Variants in CSF1R observed in about 807,000 individuals in gnomAD.
The protein encoded by CSF1R is colony stimulating factor 1 receptor, also known as macrophage colony-stimulating factor 1 receptor.
In CSF1R, 40 loss-of-function variants were observed where a neutral mutation model predicts 110.0. That is an observed-to-expected ratio of 0.36 (90% CI 0.28 to 0.47). CSF1R has a LOEUF of 0.47. CSF1R is among the 20% of genes least tolerant of loss of function. The pLI, the probability that CSF1R is intolerant of heterozygous loss-of-function variation, is 0.99. For missense variants in CSF1R, 1,052 were observed against 1,253.0 expected (o/e 0.84, Z 2.42); for synonymous variants, 523 against 503.4 (o/e 1.04, Z -0.52).
At chr5:150,056,812 C>T (rs1477650924) in intron 16 of CSF1R, among the ~76,000 whole-genome samples, 2 of 152,254 alleles carry the variant, frequency 1.3e-5, no homozygotes, top group South Asian at 2.1e-4. Flanking sequence ...CTTAAAGTCA[C>T]GGAGCAGGTG....
chr5:150,077,962 C>T (rs41504246), intron 4 of CSF1R, 150 bp downstream of exon 4: 7 of 796,924 alleles, frequency 8.8e-6, no homozygotes, highest in Non-Finnish European at 1.1e-5. Context: ...GGAGTGAGAT[C>T]TCGGGTGAGT....
chr5:150,060,348 G>GA (rs71992938), intron 13 of CSF1R, among the ~76,000 whole-genome samples: 17,899 of 143,740 alleles, frequency 0.12, 1,307 homozygotes, highest in Admixed American at 0.27. Flanking sequence ...AACAAAAAAT[G>GA]AAAAAAAAAA....
chr5:150,091,487 CTG>C (rs1054984045), upstream of CSF1R, among the ~76,000 whole-genome samples: 5 of 152,146 alleles, frequency 3.3e-5, no homozygotes, highest in Admixed American at 1.3e-4. Flanking sequence ...CTTGAAAACA[CTG>C]TGTTAAGTCA....
chr5:150,072,615 A>G (rs1245553136), intron 6 of CSF1R, among the ~76,000 whole-genome samples: 1 of 152,214 alleles, frequency 6.6e-6, no homozygotes, highest in Non-Finnish European at 1.5e-5. Context: ...TGCTTAAGCC[A>G]CTTTGGATGA....
At chr5:150,081,529 G>T (rs1389707304) in intron 1 of CSF1R, among the ~76,000 whole-genome samples, 2 of 152,168 alleles carry the variant, frequency 1.3e-5, no homozygotes, top group African/African-American at 2.4e-5. Context: ...AGAATCTCCT[G>T]GTGTGCCCGC....
At chr5:150,107,364 G>T (rs1418999547) in intron 1 of CSF1R, among the ~76,000 whole-genome samples, 1 of 152,194 alleles carries the variant, frequency 6.6e-6, no homozygotes, top group Non-Finnish European at 1.5e-5. Context: ...GACTGGAAGG[G>T]GTGCTATTAA....
chr5:150,087,717 G>T (rs1243022425), upstream of CSF1R, among the ~76,000 whole-genome samples: 4 of 151,654 alleles, frequency 2.6e-5, no homozygotes, highest in South Asian at 2.1e-4. Context: ...AAAGAACATG[G>T]TCATTTCTTC....
At chr5:150,112,886 G>A (rs1450570756) in intron 1 of CSF1R, among the ~76,000 whole-genome samples, 5 of 152,132 alleles carry the variant, frequency 3.3e-5, no homozygotes, top group Non-Finnish European at 5.9e-5. Context: ...CCAAAATGAG[G>A]TCCTTCCCGC....
In CSF1R at chr5:150,080,096, C is replaced by T; in HGVS notation, c.548G>A (p.Gly183Asp). The part of the protein sequence containing the change: ...QDYQCSALMG[G>D]RKVMSISIRL... ...GATGCTGATGGACATCACCTTCCTG[C>T]CACCCATCAGGGCACTGCATTGATA... Residue 183 changes from glycine (G) to aspartate (D), a missense_variant, in exon 3 of 21, where the codon GGC becomes GAC. This residue lies in a region of CSF1R where 693 missense variants were observed against 735.4 expected (regional missense o/e 0.94). Coordinates refer to ENST00000675795, the MANE Select transcript of CSF1R (RefSeq NM_001288705.3). 6.2e-7 allele frequency: 1 copy of T among 1,614,164 alleles called. No homozygotes were observed. The highest frequency in any genetic ancestry group is 8.5e-7 in the Non-Finnish European group (1 of 1,180,028).
chr5:150,098,005 A>G (rs1759280053), intron 1 of CSF1R, among the ~76,000 whole-genome samples: 1 of 152,252 alleles, frequency 6.6e-6, no homozygotes, highest in South Asian at 2.1e-4. Context: ...GACAGACTCT[A>G]TAAAGCTATA....
intron 1 of CSF1R, chr5:150,098,511 T>G (rs970593040): frequency 6.6e-6 from 1 of 152,408 alleles, no homozygotes; most frequent in Non-Finnish European, 1.5e-5. Context: ...CCTTAAAAAG[T>G]AAATCTATAA....
Position 150,108,285 on chromosome 5 carries a change from G to A in CSF1R, c.-181+4976C>T, listed in dbSNP as rs1270968770. Among the ~76,000 whole-genome samples, 5 of 152,144 alleles carry A rather than the reference G, an allele frequency of 3.3e-5. 1 individual carries two copies. Among genetic ancestry groups the A allele is most frequent in the Admixed American group, 3.3e-4 (5 of 15,284 alleles). On this transcript the variant is annotated intron_variant, in intron 1 of 21. Coordinates refer to the CSF1R transcript ENST00000286301. ...TGGAGAAAGTAGCTTTTGCTGGGCT[G>A]GAAGCTTGAGCAAGACTTTGACCTT... is the stretch of plus-strand genomic sequence containing the variant.
chr5:150,085,198 C>A (rs1758780960), intron 1 of CSF1R, among the ~76,000 whole-genome samples: 2 of 147,714 alleles, frequency 1.4e-5, no homozygotes, highest in Admixed American at 6.8e-5. Flanking sequence ...AACACTTGAA[C>A]CCGGGAGGTG....
At chr5:150,102,773 C>T (rs776186054) in intron 1 of CSF1R, among the ~76,000 whole-genome samples, 6 of 152,224 alleles carry the variant, frequency 3.9e-5, no homozygotes, top group African/African-American at 9.7e-5. Context: ...AGCCACTGCA[C>T]CCAGCTTATT....
intron 14 of CSF1R, among the ~76,000 whole-genome samples, chr5:150,057,992 G>A (rs1223214212): frequency 6.6e-6 from 1 of 152,080 alleles, no homozygotes; most frequent in Non-Finnish European, 1.5e-5. Flanking sequence ...TCACACCCCT[G>A]GCTTCACATT....
At chr5:150,087,380 T>G (rs1042656339), upstream of CSF1R, among the ~76,000 whole-genome samples, 7 of 152,142 alleles carry the variant, frequency 4.6e-5, no homozygotes, top group Non-Finnish European at 1.5e-5. Flanking sequence ...CACTGTCTCC[T>G]TTAGTACTGC....
rs754278281 is a variant in CSF1R, at chr5:150,068,233, T to TAGCAGCAGGAGC, written c.1596_1607dup (p.Leu534_Leu537dup). ...GGCTCACCTGCTTATACTTGTACAA[T>TAGCAGCAGGAGC]AGCAGCAGGAGCAGCAGCAGCAGCA... On this transcript the variant is annotated inframe_insertion, in exon 10 of 21. Coordinates refer to ENST00000675795, the MANE Select transcript of CSF1R (RefSeq NM_001288705.3). The TAGCAGCAGGAGC allele has an allele frequency of 1.9e-6, 3 of 1,611,004 alleles. No individual in the cohort carries two copies. The highest frequency in any genetic ancestry group is 2.2e-5 in the East Asian group (1 of 44,808).
chr5:150,053,979 CA>C lies in CSF1R; in HGVS notation c.*89del, dbSNP rs373754757. On this transcript the variant is annotated 3_prime_UTR_variant, in exon 21 of 21. Transcript: ENST00000675795. Reference sequence around the variant, plus strand: ...AGCTGTTGAGTGAAATGACCGAAGGCAGAGTTTGTATGTTCTCCCCGTGTCG... The same window carrying C: ...AGCTGTTGAGTGAAATGACCGAAGGCGAGTTTGTATGTTCTCCCCGTGTCG... 1.8e-4 allele frequency: 241 copies of C among 1,329,164 alleles called. No homozygotes were observed. The African/African-American group carries it at 2.9e-3, about 16-fold the overall frequency. 82.3% of individuals were successfully genotyped at this position (1,329,164 alleles called of 1,614,324 possible).
chr5:150,079,696 T>G (rs1758435700), intron 3 of CSF1R, among the ~76,000 whole-genome samples: 1 of 152,248 alleles, frequency 6.6e-6, no homozygotes, highest in Admixed American at 6.5e-5. Flanking sequence ...ACAGCCACCT[T>G]CTTCATGTCA....
Sources: gnomAD v4.1 joint callset for allele counts (sites outside exome capture counted in the v4.1 genomes callset) on GRCh38, gnomAD v4.1.1 for gene constraint, gnomAD v4.1.1 regional missense constraint, MANE v1.5 for transcripts, NCBI Gene and HGNC (gene_info 2026-07-23, HGNC 2026-07-21) for gene names.